Variants in RBFOX1 observed in about 807,000 individuals in gnomAD.
RBFOX1 encodes the protein RNA binding protein fox-1 homolog 1.
Under a neutral mutation model 57.7 loss-of-function variants are expected in RBFOX1, and 8 were observed. The ratio of observed to expected loss-of-function variants is 0.14; its 90% confidence interval spans 0.08 to 0.25. The LOEUF is 0.25. Among genes scored for constraint, RBFOX1 ranks in the 10% least tolerant of loss-of-function variants. The pLI, the probability that RBFOX1 is intolerant of heterozygous loss-of-function variation, is 1.00. For missense variants in RBFOX1, 611 were observed against 548.5 expected (o/e 1.11, Z -1.14); for synonymous variants, 326 against 222.4 (o/e 1.47, Z -4.15).
chr16:7,497,966 A>T (rs2058294), intron 4 of RBFOX1, among the ~76,000 whole-genome samples: 56,848 of 152,080 alleles, frequency 0.37, 11,746 homozygotes, highest in East Asian at 0.86. Flanking sequence ...CACACAGAGT[A>T]AAAACAAGCT....
chr16:6,949,368 T>C (rs75203783), intron 3 of RBFOX1, among the ~76,000 whole-genome samples: 3,913 of 152,280 alleles, frequency 0.026, 158 homozygotes, highest in African/African-American at 0.087. Flanking sequence ...CAGGCCTTGC[T>C]GATGGGTTTT....
Position 6,271,721 on chromosome 16 carries a change from T to C in RBFOX1, c.-126-45274T>C, listed in dbSNP as rs369373903. Among the ~76,000 whole-genome samples the C allele has an allele frequency of 2.6e-5, 4 of 152,306 alleles. No homozygotes were observed. In the East Asian group the frequency reaches 7.7e-4, roughly 29 times the overall value. On this transcript the variant is annotated intron_variant, in intron 1 of 15. Transcript: ENST00000550418. Reference sequence around the variant, plus strand: ...TTAGATGAAATGGACCACTTCCTTGTAAAATACAAACCATCATATTTTACT... The same window carrying C: ...TTAGATGAAATGGACCACTTCCTTGCAAAATACAAACCATCATATTTTACT...
intron 2 of RBFOX1, among the ~76,000 whole-genome samples, chr16:6,413,427 G>A (rs1344484273): frequency 2.0e-5 from 3 of 151,914 alleles, no homozygotes; most frequent in African/African-American, 7.3e-5. Context: ...GCTTCCCAAA[G>A]TGCTGGGGTT....
chr16:7,385,020 A>G (rs1343461610), intron 4 of RBFOX1, among the ~76,000 whole-genome samples: 1 of 152,214 alleles, frequency 6.6e-6, no homozygotes, highest in African/African-American at 2.4e-5. Context: ...GCAGAGAGAA[A>G]GAACATTCCA....
At chr16:6,663,587 C>G (rs1198782367) in intron 3 of RBFOX1, among the ~76,000 whole-genome samples, 3 of 152,180 alleles carry the variant, frequency 2.0e-5, no homozygotes, top group Non-Finnish European at 4.4e-5. Flanking sequence ...AGCGAAGATA[C>G]TTAAGGCACA....
intron 4 of RBFOX1, among the ~76,000 whole-genome samples, chr16:7,415,721 A>G (rs984491784): frequency 6.6e-6 from 1 of 152,200 alleles, no homozygotes; most frequent in Non-Finnish European, 1.5e-5. Flanking sequence ...AAGGGCTACC[A>G]TTTCTTCTCT....
intron 4 of RBFOX1, among the ~76,000 whole-genome samples, chr16:7,181,362 T>C (rs2152523834): frequency 6.6e-6 from 1 of 152,294 alleles, no homozygotes; most frequent in Middle Eastern, 3.4e-3. Context: ...GTTCTACTTT[T>C]CCCTACCTTG....
intron 3 of RBFOX1, among the ~76,000 whole-genome samples, chr16:6,758,153 C>G (rs760351234): frequency 1.1e-4 from 16 of 152,072 alleles, no homozygotes; most frequent in Non-Finnish European, 2.1e-4. Flanking sequence ...TGTGGTCAGA[C>G]TTCAGGTACT....
chr16:7,580,552 C>G (rs887156235), intron 6 of RBFOX1, among the ~76,000 whole-genome samples: 1 of 152,126 alleles, frequency 6.6e-6, no homozygotes, highest in Non-Finnish European at 1.5e-5. Flanking sequence ...TACTGTGGTG[C>G]TATATGCCAT....
At chr16:6,655,960 C>T (rs2098648014) in intron 3 of RBFOX1, among the ~76,000 whole-genome samples, 1 of 152,152 alleles carries the variant, frequency 6.6e-6, no homozygotes, top group Admixed American at 6.5e-5. Context: ...TTAATCTCCT[C>T]ACATTGGGAA....
At chr16:7,016,589 C>T (rs1392785754) in intron 3 of RBFOX1, among the ~76,000 whole-genome samples, 4 of 152,224 alleles carry the variant, frequency 2.6e-5, no homozygotes, top group African/African-American at 9.6e-5. Flanking sequence ...TCCAGCCACA[C>T]TTCCACTTGG....
intron 15 of RBFOX1, chr16:7,709,410 A>T: frequency 7.8e-7 from 1 of 1,286,194 alleles, no homozygotes; most frequent in Non-Finnish European, 1.0e-6. Context: ...TTTGATAATT[A>T]AATCCATCAC....
At chr16:7,369,998 G>A (rs957583761) in intron 4 of RBFOX1, among the ~76,000 whole-genome samples, 1 of 152,156 alleles carries the variant, frequency 6.6e-6, no homozygotes, top group Non-Finnish European at 1.5e-5. Context: ...TCTGATCCCA[G>A]AATTCATACT....
intron 2 of RBFOX1, among the ~76,000 whole-genome samples, chr16:5,502,370 G>C (rs2043229339): frequency 6.6e-6 from 1 of 152,164 alleles, no homozygotes; most frequent in South Asian, 2.1e-4. Context: ...TGTGGACACT[G>C]TAGGGGTGGG....
rs146265963 is a variant in RBFOX1, at chr16:7,403,020, A to T, written c.28-115127A>T. Among the ~76,000 whole-genome samples, 25 of 152,310 alleles carry T rather than the reference A, an allele frequency of 1.6e-4. No homozygotes were observed. The East Asian group carries it at 4.6e-3, about 28-fold the overall frequency. On this transcript the variant is annotated intron_variant, in intron 4 of 15. Coordinates refer to ENST00000550418, the MANE Select transcript of RBFOX1 (RefSeq NM_018723.4). The stretch of plus-strand genomic sequence containing the variant: ...GTGAACCTGGAACTCCCCGTTCACG[A>T]TGCAGTTGTGGAATAAAATGAGGCT...
At chr16:6,664,674 T>C (rs549457083) in intron 3 of RBFOX1, among the ~76,000 whole-genome samples, 2 of 152,336 alleles carry the variant, frequency 1.3e-5, no homozygotes, top group East Asian at 3.9e-4. Flanking sequence ...ATCCAGTGTC[T>C]GAAATTGCGT....
intron 3 of RBFOX1, among the ~76,000 whole-genome samples, chr16:5,658,744 GTATA>G (rs56147435): frequency 5.1e-4 from 75 of 146,132 alleles, no homozygotes; most frequent in Non-Finnish European, 5.5e-4. Flanking sequence ...ATATAAATGT[GTATA>G]TATATATATA....
At chr16:6,956,798 G>A (rs2081943295) in intron 3 of RBFOX1, among the ~76,000 whole-genome samples, 2 of 152,174 alleles carry the variant, frequency 1.3e-5, no homozygotes, top group Admixed American at 1.3e-4. Context: ...ATCTCATGTG[G>A]TTGCAGACAG....
intron 3 of RBFOX1, among the ~76,000 whole-genome samples, chr16:6,815,368 C>A (rs1410671639): frequency 6.6e-6 from 1 of 152,110 alleles, no homozygotes; most frequent in African/African-American, 2.4e-5. Flanking sequence ...GATTGCCTAA[C>A]CTTCTGGGAA....
Sources: gnomAD v4.1 joint callset for allele counts (sites outside exome capture counted in the v4.1 genomes callset) on GRCh38, gnomAD v4.1.1 for gene constraint, MANE v1.5 for transcripts, NCBI Gene and HGNC (gene_info 2026-07-23, HGNC 2026-07-21) for gene names.